Variants in FAM13C observed in about 807,000 individuals in gnomAD.
FAM13C encodes protein FAM13C.
FAM13C carries 37 observed loss-of-function variants against 73.2 expected under a neutral mutation model. That is an observed-to-expected ratio of 0.51 (90% confidence interval 0.39 to 0.67). FAM13C has a LOEUF of 0.67. Ranked by LOEUF, FAM13C falls within the 30% of genes least tolerant of loss-of-function variation. The pLI, the probability that FAM13C is intolerant of heterozygous loss-of-function variation, is 0.00. For synonymous variants in FAM13C, 246 were observed against 260.9 expected, an observed-to-expected ratio of 0.94 and a Z score of 0.55; for missense variants, 589 against 715.6, an observed-to-expected ratio of 0.82 and a Z score of 2.02.
At chr10:59,283,889 T>G (rs950543754) in intron 5 of FAM13C, among the ~76,000 whole-genome samples, 1 of 152,154 alleles carries the variant, frequency 6.6e-6, no homozygotes, top group Non-Finnish European at 1.5e-5. Context: ...GGTCCCTCCC[T>G]GGCTACCGTT....
intron 6 of FAM13C, among the ~76,000 whole-genome samples, chr10:59,271,733 G>C (rs1044524394): frequency 3.9e-5 from 6 of 152,152 alleles, no homozygotes; most frequent in East Asian, 1.9e-4. Context: ...TAGGTGTATG[G>C]GTTCCTCATC....
At chr10:59,312,442 G>C (rs1482017115) in intron 4 of FAM13C, among the ~76,000 whole-genome samples, 3 of 152,102 alleles carry the variant, frequency 2.0e-5, no homozygotes, top group African/African-American at 7.2e-5. Flanking sequence ...CTCCCACAGG[G>C]ATGATATATT....
At chr10:59,341,030 G>A (rs1191637906) in intron 3 of FAM13C, among the ~76,000 whole-genome samples, 1 of 152,068 alleles carries the variant, frequency 6.6e-6, no homozygotes, top group Non-Finnish European at 1.5e-5. Flanking sequence ...GAGGGAAGAG[G>A]TGGGAGGCGT....
At chr10:59,293,224 C>G (rs1054261067) in intron 5 of FAM13C, among the ~76,000 whole-genome samples, 1 of 149,216 alleles carries the variant, frequency 6.7e-6, no homozygotes, top group Non-Finnish European at 1.5e-5. Context: ...CAGGCGCCCA[C>G]CACCATGCCC....
At chr10:59,356,958 C>A (rs923667644) in intron 1 of FAM13C, among the ~76,000 whole-genome samples, 2 of 152,174 alleles carry the variant, frequency 1.3e-5, no homozygotes, top group Non-Finnish European at 2.9e-5. Flanking sequence ...ATGCTTCCAG[C>A]CTTTGAACAT....
intron 3 of FAM13C, among the ~76,000 whole-genome samples, chr10:59,326,885 GT>G (rs1294998712): frequency 6.6e-6 from 1 of 152,096 alleles, no homozygotes; most frequent in African/African-American, 2.4e-5. Context: ...GCAATTTTAA[GT>G]TTTGTGGTTA....
intron 3 of FAM13C, among the ~76,000 whole-genome samples, chr10:59,339,033 T>A (rs987556951): frequency 6.6e-6 from 1 of 152,246 alleles, no homozygotes; most frequent in Non-Finnish European, 1.5e-5. Flanking sequence ...TCCTTGCCTT[T>A]CCAGCTCCAG....
intron 3 of FAM13C, among the ~76,000 whole-genome samples, chr10:59,335,986 G>C (rs16913414): frequency 0.12 from 18,222 of 152,246 alleles, 1,321 homozygotes; most frequent in East Asian, 0.32. Context: ...ACTACAGCAT[G>C]CTCATGACTT....
At chr10:59,306,176 A>G (rs1848225902) in intron 4 of FAM13C, among the ~76,000 whole-genome samples, 1 of 152,226 alleles carries the variant, frequency 6.6e-6, no homozygotes, top group South Asian at 2.1e-4. Context: ...TTGATGAGTG[A>G]CAGCAGATGG....
intron 1 of FAM13C, among the ~76,000 whole-genome samples, chr10:59,361,933 A>G (rs1041605244): frequency 3.9e-5 from 6 of 152,146 alleles, no homozygotes; most frequent in Admixed American, 6.5e-5. Flanking sequence ...TTACTCTGAT[A>G]TGCCTTAAAA....
At chr10:59,287,610 G>A (rs1350715747) in intron 5 of FAM13C, among the ~76,000 whole-genome samples, 1 of 152,164 alleles carries the variant, frequency 6.6e-6, no homozygotes, top group Non-Finnish European at 1.5e-5. Context: ...TACATACCAT[G>A]TGTCTGACTT....
At chr10:59,307,013 C>T (rs751442932) in intron 4 of FAM13C, among the ~76,000 whole-genome samples, 3 of 151,104 alleles carry the variant, frequency 2.0e-5, no homozygotes, top group Non-Finnish European at 4.4e-5. Flanking sequence ...ATGCGGTAAT[C>T]AAAATTATTA....
intron 6 of FAM13C, among the ~76,000 whole-genome samples, chr10:59,274,632 C>T (rs944187038): frequency 6.6e-6 from 1 of 152,170 alleles, no homozygotes; most frequent in African/African-American, 2.4e-5. Context: ...TGGATAAAAA[C>T]ACGAGCCACA....
Position 59,247,430 on chromosome 10 carries a change from T to TC in FAM13C, c.*183dup. The TC allele has an allele frequency of 1.5e-6, 1 of 660,854 alleles. No individual in the cohort carries two copies. The allele number at this position is 660,854 out of a possible 1,614,324, so 40.9% of individuals were successfully genotyped here. On this transcript the variant is annotated 3_prime_UTR_variant, in exon 14 of 14. Transcript: ENST00000618804. ...ATTATATGGCTACCTGTTGTATTCT[T>TC]CCCCCCGTTTAAATCCCTTCTCCTT...
intron 1 of FAM13C, among the ~76,000 whole-genome samples, chr10:59,356,806 G>A (rs1292940505): frequency 1.3e-5 from 2 of 152,166 alleles, no homozygotes; most frequent in Non-Finnish European, 2.9e-5. Flanking sequence ...TTGAGTCAGT[G>A]GACTGGGAGA....
At chr10:59,315,401 T>C (rs1018164524) in intron 4 of FAM13C, among the ~76,000 whole-genome samples, 5 of 152,324 alleles carry the variant, frequency 3.3e-5, no homozygotes, top group Non-Finnish European at 7.3e-5. Flanking sequence ...AAGACTCACA[T>C]AAAACATGGT....
chr10:59,268,785 GAGAAGTCCAGAGGGAAGTTCATTATTT>G (rs1843374146), intron 7 of FAM13C, 94 bp from the exon 8 acceptor site: 4 of 1,430,758 alleles, frequency 2.8e-6, no homozygotes, highest in Non-Finnish European at 3.7e-6. Flanking sequence ...TGGATTGTCA[GAGAAGTCCAGAGGGAAGTTCATTATTT>G]GATGAGGCCA....
chr10:59,304,834 C>CGGGGGG (rs1848059557), intron 4 of FAM13C, among the ~76,000 whole-genome samples: 1 of 33,640 alleles, frequency 3.0e-5, no homozygotes, highest in Non-Finnish European at 5.0e-5. Flanking sequence ...GGGGAGGGGG[C>CGGGGGG]GGGGGAGGGG....
At chr10:59,295,039 CCAA>C (rs1371426421) in intron 5 of FAM13C, among the ~76,000 whole-genome samples, 4 of 152,172 alleles carry the variant, frequency 2.6e-5, no homozygotes, top group African/African-American at 9.7e-5. Context: ...ATTCCAAACA[CCAA>C]CATCACAGGA....
Sources: allele counts gnomAD v4.1 joint callset (sites outside exome capture counted in the v4.1 genomes callset), GRCh38; gene constraint gnomAD v4.1.1; transcripts MANE v1.5; gene names NCBI Gene and HGNC (gene_info 2026-07-23, HGNC 2026-07-21).